Variants in TAF1A observed in about 807,000 individuals in gnomAD.
TAF1A encodes TATA box-binding protein-associated factor RNA polymerase I subunit A.
Under a neutral mutation model 61.6 loss-of-function variants are expected in TAF1A, and 42 were observed. The ratio of observed to expected loss-of-function variants is 0.68; its 90% confidence interval spans 0.53 to 0.88. TAF1A has a LOEUF of 0.88. TAF1A is among the 40% of genes least tolerant of loss of function. The probability of loss-of-function intolerance (pLI) is 0.00; values close to 1 mark genes in which losing one functional copy is unlikely to be tolerated. For missense variants in TAF1A, 424 were observed against 518.7 expected (o/e 0.82, Z 1.77); for synonymous variants, 179 against 177.7 (o/e 1.01, Z -0.06).
intron 7 of TAF1A, among the ~76,000 whole-genome samples, 179 bp from the exon 8 acceptor site, chr1:222,564,304 G>A (rs1439400607): frequency 1.7e-5 from 2 of 117,604 alleles, no homozygotes; most frequent in East Asian, 5.2e-4. Flanking sequence ...AGCATTCTCT[G>A]TAAAGCTGTC....
chr1:222,573,848 A>G (rs1660457420), intron 5 of TAF1A, among the ~76,000 whole-genome samples: 1 of 152,224 alleles, frequency 6.6e-6, no homozygotes, highest in South Asian at 2.1e-4. Flanking sequence ...AAACAATCTA[A>G]TTGTTCATCA....
intron 9 of TAF1A, 131 bp from the exon 10 acceptor site, chr1:222,561,649 C>T: frequency 1.2e-6 from 1 of 826,066 alleles, no homozygotes; most frequent in East Asian, 2.9e-5. Context: ...TCAATATGGC[C>T]AAGGCATAAC....
intron 3 of TAF1A, among the ~76,000 whole-genome samples, chr1:222,583,824 C>T (rs1029090943): frequency 4.4e-5 from 6 of 134,834 alleles, no homozygotes; most frequent in Admixed American, 8.0e-5. Flanking sequence ...GGCGACAGAG[C>T]AAGACTCCGT....
chr1:222,588,685 A>G (rs1329907727), intron 1 of TAF1A, 120 bp from the exon 2 acceptor site: 1 of 1,039,924 alleles, frequency 9.6e-7, no homozygotes, highest in Non-Finnish European at 1.3e-6. Flanking sequence ...AAAATGCATT[A>G]TACCTGTCAG....
rs1318927210 is a variant in TAF1A at position 222,589,793 on chromosome 1, T to C, written c.-69A>G. On this transcript the variant is annotated 5_prime_UTR_variant, in exon 1 of 11. Coordinates refer to ENST00000352967, the MANE Select transcript of TAF1A (RefSeq NM_005681.4). ...TCCGACTCCGGCCCACGTGAAGAAA[T>C]TCCCACCGGAAGACGAGTTAGGAGA... 2.9e-6 allele frequency: 1 copy of C among 344,478 alleles called. No homozygotes were observed. Among genetic ancestry groups the C allele is most frequent in the East Asian group, 4.4e-5 (1 of 22,820 alleles). 21.3% of individuals were successfully genotyped at this position (344,478 alleles called of 1,614,324 possible).
At chr1:222,563,739 A>T (rs964118135) in intron 8 of TAF1A, among the ~76,000 whole-genome samples, 1 of 152,240 alleles carries the variant, frequency 6.6e-6, no homozygotes, top group East Asian at 1.9e-4. Context: ...AAATGGAGTG[A>T]ATTATATAAA....
downstream of TAF1A, among the ~76,000 whole-genome samples, chr1:222,557,565 T>C (rs909416809): frequency 1.3e-5 from 2 of 152,102 alleles, no homozygotes; most frequent in Non-Finnish European, 2.9e-5. Flanking sequence ...ATTCTCCTGC[T>C]TCAGCCTCCC....
chr1:222,556,801 G>A (rs36087530), downstream of TAF1A, among the ~76,000 whole-genome samples: 151,849 of 152,354 alleles, frequency 1, 75,675 homozygotes, highest in Middle Eastern at 1. Flanking sequence ...TCATAGTCCT[G>A]TTTTATAGCT....
intron 8 of TAF1A, 66 bp from the exon 9 acceptor site, chr1:222,563,362 G>A: frequency 6.6e-7 from 1 of 1,515,986 alleles, no homozygotes; most frequent in Non-Finnish European, 9.0e-7. Context: ...AAATTTACAT[G>A]TATACATTTT....
intron 9 of TAF1A, 147 bp from the exon 10 acceptor site, chr1:222,561,665 A>G: frequency 1.4e-6 from 1 of 714,964 alleles, no homozygotes; most frequent in East Asian, 3.0e-5. Flanking sequence ...ATAACACATG[A>G]TTGGCAACAG....
In TAF1A at chr1:222,569,627, T is replaced by C; in HGVS notation, c.777A>G (p.Val259=). 1 of 1,613,950 alleles carries C rather than the reference T, an allele frequency of 6.2e-7. No individual in the cohort carries two copies. The highest frequency in any genetic ancestry group is 8.5e-7 in the Non-Finnish European group (1 of 1,179,908). ...TTTCATCATATGCATAATTGGTGAG[T>C]ACCTCTTGGGCTCCATCTCGATCCC... ...FYGDRDGAQE[V]LTNYAYDEKF... The change falls in exon 7 of 11, where the codon GTA becomes GTG. Residue 259 remains valine, a synonymous_variant. Coordinates refer to ENST00000352967, the MANE Select transcript of TAF1A (RefSeq NM_005681.4).
chr1:222,565,324 T>G (rs1269316778), intron 7 of TAF1A, among the ~76,000 whole-genome samples: 1 of 152,218 alleles, frequency 6.6e-6, no homozygotes, highest in Non-Finnish European at 1.5e-5. Flanking sequence ...TAGCCTGATA[T>G]TTTCTATGCA....
chr1:222,569,257 G>T, intron 7 of TAF1A: 1 of 1,372,834 alleles, frequency 7.3e-7, no homozygotes, highest in East Asian at 3.1e-5. Context: ...AAAAATATCA[G>T]TGCAGAGTAT....
At chr1:222,588,218 A>G (rs187546866) in intron 2 of TAF1A, among the ~76,000 whole-genome samples, 45 of 152,350 alleles carry the variant, frequency 3.0e-4, no homozygotes, top group African/African-American at 9.1e-4. Context: ...AGTGCTCAGT[A>G]AGTATTACTG....
intron 5 of TAF1A, among the ~76,000 whole-genome samples, chr1:222,575,771 A>G (rs1386294727): frequency 6.6e-6 from 1 of 152,172 alleles, no homozygotes; most frequent in East Asian, 1.9e-4. Context: ...AGCTCTACAT[A>G]TTATCCCATC....
Position 222,558,661 on chromosome 1 carries a change from C to G in TAF1A, c.1352G>C (p.Ter451SerextTer2), listed in dbSNP as rs1659794372. 2.0e-6 allele frequency: 3 copies of G among 1,499,734 alleles called. No individual in the cohort carries two copies. Among genetic ancestry groups the G allele is most frequent in the African/African-American group, 1.4e-5 (1 of 71,902 alleles). 92.9% of individuals were successfully genotyped at this position (1,499,734 alleles called of 1,614,324 possible). A position where few individuals can be genotyped will look rare whatever the true frequency, so the allele number is the denominator to read the frequency against. ...CTGTGAAATAACTAAAATTCAGTATCAGAGTCTTGGATTTACAATACTGTA... is the reference window on the plus strand; with the variant it reads ...CTGTGAAATAACTAAAATTCAGTATGAGAGTCTTGGATTTACAATACTGTA... ...KKYSIVNPRL[*>S] Residue 451 changes from the stop codon to serine, a stop_lost, in exon 11 of 11, where the codon TGA becomes TCA. Coordinates refer to ENST00000352967, the MANE Select transcript of TAF1A (RefSeq NM_005681.4).
chr1:222,588,604 T>A (rs1370639460), intron 1 of TAF1A, 39 bp from the exon 2 acceptor site: 1 of 1,600,844 alleles, frequency 6.2e-7, no homozygotes, highest in Admixed American at 1.8e-5. Context: ...TCTGTACATC[T>A]TAATCCACAG....
chr1:222,560,141 C>T (rs187001814), intron 10 of TAF1A, among the ~76,000 whole-genome samples: 1 of 152,080 alleles, frequency 6.6e-6, no homozygotes, highest in Non-Finnish European at 1.5e-5. Flanking sequence ...CACCATACCC[C>T]ACTCAAAGCA....
rs919156307 is a variant in TAF1A at position 222,560,292 on chromosome 1, C to T, written c.1240+1072G>A. Among the ~76,000 whole-genome samples the T allele has an allele frequency of 2.6e-5, 4 of 152,118 alleles. No homozygotes were observed. The South Asian group carries it at 6.2e-4, about 24-fold the overall frequency. ...AGCCTGAGAGGAGATGTGGCTCTTG[C>T]GGGAGTAACTGATGCCTGATATTTG... On this transcript the variant is annotated intron_variant, in intron 10 of 10. Transcript: ENST00000352967.
Sources: gnomAD v4.1 joint callset for allele counts (sites outside exome capture counted in the v4.1 genomes callset) on GRCh38, gnomAD v4.1.1 for gene constraint, MANE v1.5 for transcripts, NCBI Gene and HGNC (gene_info 2026-07-23, HGNC 2026-07-21) for gene names.